Variants in ZFYVE21 observed in about 807,000 individuals in gnomAD.
The protein encoded by ZFYVE21 is zinc finger FYVE-type containing 21.
In ZFYVE21, 21 loss-of-function variants were observed where a neutral mutation model predicts 29.5. The ratio of observed to expected loss-of-function variants is 0.71; its 90% CI spans 0.50 to 1.02. The LOEUF is 1.02. Ranked by LOEUF, ZFYVE21 falls within the 50% of genes least tolerant of loss-of-function variation. The probability of loss-of-function intolerance (pLI) is 0.00; values close to 1 mark genes in which losing one functional copy is unlikely to be tolerated. For synonymous variants in ZFYVE21, 151 were observed against 133.8 expected, an observed-to-expected ratio of 1.13 and a Z score of -0.89; for missense variants, 326 against 335.4, an observed-to-expected ratio of 0.97 and a Z score of 0.22.
At chr14:103,732,500 T>G (rs1189090017) in intron 5 of ZFYVE21, 120 bp from the exon 6 acceptor site, 1 of 1,289,122 alleles carries the variant, frequency 7.8e-7, no homozygotes. Context: ...CAGCCCTCAC[T>G]GCCAGGCTAC....
intron 2 of ZFYVE21, chr14:103,727,109 C>A: frequency 2.4e-6 from 1 of 418,266 alleles, no homozygotes; most frequent in Non-Finnish European, 4.4e-6. Context: ...CCACGCCTGG[C>A]TAATATTTAT....
rs1039664570 is a variant in ZFYVE21, at chr14:103,716,408, C to T, written c.138+429C>T. The stretch of plus-strand genomic sequence containing the variant: ...TTCCTCGCAGGCTCGGTGGGGAGGG[C>T]GCGTGCTGTCCGCGGAAGCGCTGGA... On this transcript the variant is annotated intron_variant, in intron 1 of 6. Coordinates refer to ENST00000311141, the MANE Select transcript of ZFYVE21 (RefSeq NM_024071.4). This position sits in a 1 kb window ranked among gnomAD's most constrained non-coding sequence, Gnocchi z 4.8. Among the ~76,000 whole-genome samples the T allele has an allele frequency of 2.6e-5, 4 of 152,056 alleles. No individual in the cohort carries two copies. Among genetic ancestry groups the T allele is most frequent in the African/African-American group, 9.7e-5 (4 of 41,402 alleles).
intron 2 of ZFYVE21, 106 bp downstream of exon 2, chr14:103,726,948 G>GTTTTTTTTTTTTGTTT: frequency 4.5e-6 from 3 of 660,962 alleles, no homozygotes; most frequent in Admixed American, 4.0e-5. Flanking sequence ...CTTATGGCTC[G>GTTTTTTTTTTTTGTTT]TTTTTTTTTT....
intron 5 of ZFYVE21, 122 bp from the exon 6 acceptor site, chr14:103,732,498 A>G: frequency 8.0e-7 from 1 of 1,256,528 alleles, no homozygotes; most frequent in Non-Finnish European, 1.1e-6. Flanking sequence ...ACCAGCCCTC[A>G]CTGCCAGGCT....
intron 5 of ZFYVE21, chr14:103,729,516 TCC>T: frequency 3.5e-6 from 2 of 575,660 alleles, no homozygotes; most frequent in Middle Eastern, 4.5e-4. Flanking sequence ...ATAACTGAGA[TCC>T]CCAAAAAGGT....
intron 1 of ZFYVE21, chr14:103,725,678 T>C (rs985875225): frequency 6.6e-6 from 1 of 152,266 alleles, no homozygotes; most frequent in African/African-American, 2.4e-5. Flanking sequence ...CCACCACATG[T>C]GTGTCTCTGG....
Position 103,732,604 on chromosome 14 carries a change from C to A in ZFYVE21, c.527-16C>A. On this transcript the variant is annotated splice_polypyrimidine_tract_variant and intron_variant, in intron 5 of 6. Coordinates refer to ENST00000311141, the MANE Select transcript of ZFYVE21 (RefSeq NM_024071.4). Reference sequence around the variant, plus strand: ...GGGCCTCCTTTGGGCCGTCTTACCTCGTCTCTCTCCTCCAGGAGGCAACGC... The same window carrying A: ...GGGCCTCCTTTGGGCCGTCTTACCTAGTCTCTCTCCTCCAGGAGGCAACGC... The A allele has an allele frequency of 3.9e-6, 6 of 1,552,168 alleles. No individual in the cohort carries two copies. The highest frequency in any genetic ancestry group is 5.2e-6 in the Non-Finnish European group (6 of 1,151,830).
chr14:103,723,921 C>T (rs79412319), intron 1 of ZFYVE21, among the ~76,000 whole-genome samples: 3 of 152,344 alleles, frequency 2.0e-5, no homozygotes, highest in East Asian at 1.9e-4. Flanking sequence ...GGCAGGGACA[C>T]GCTGAGGGTG....
At chr14:103,729,525 A>C in intron 5 of ZFYVE21, 1 of 578,986 alleles carries the variant, frequency 1.7e-6, no homozygotes, top group South Asian at 2.2e-5. Flanking sequence ...ATCCCCAAAA[A>C]GGTCTGAATG....
At chr14:103,729,052 C>T in intron 4 of ZFYVE21, 39 bp from the exon 5 acceptor site, 2 of 1,613,832 alleles carry the variant, frequency 1.2e-6, no homozygotes, top group Non-Finnish European at 1.7e-6. Context: ...GGCACTGAGC[C>T]TGAGAATGAC....
Position 103,732,625 on chromosome 14 carries a change from A to G in ZFYVE21, c.532A>G (p.Asn178Asp). The G allele has an allele frequency of 1.3e-6, 2 of 1,572,858 alleles. No individual in the cohort carries two copies. The highest frequency in any genetic ancestry group is 1.7e-6 in the Non-Finnish European group (2 of 1,161,932). The change falls in exon 6 of 7, where the codon AAC becomes GAC. Residue 178 changes from asparagine (N) to aspartate (D), a missense_variant. Coordinates refer to ENST00000311141, the MANE Select transcript of ZFYVE21 (RefSeq NM_024071.4). ...ACCTCGTCTCTCTCCTCCAGGAGGC[A>G]ACGCACGGGCCACAGGCATGTTCCT... Reference protein sequence around the residue: ...LTEGFPPGGGNARATGMFLQY... With the variant: ...LTEGFPPGGGDARATGMFLQY...
At chr14:103,721,841 C>T (rs2083875148) in intron 1 of ZFYVE21, among the ~76,000 whole-genome samples, 2 of 152,350 alleles carry the variant, frequency 1.3e-5, no homozygotes, top group South Asian at 2.1e-4. Flanking sequence ...GTTTCCCCAG[C>T]GAATGTGCTG....
rs528456731 is a variant in ZFYVE21, at chr14:103,728,994, G to A, written c.434+11G>A. 15 of 1,613,908 alleles carry A rather than the reference G, an allele frequency of 9.3e-6. 1 individual carries two copies. The South Asian group carries it at 1.6e-4, about 18-fold the overall frequency. On this transcript the variant is annotated intron_variant, in intron 4 of 6. Transcript: ENST00000311141. ...TTCCAATAACCAGAGGTAAGAGCCG[G>A]ATCCTGCTTGGCACGGGGCAGCATT... is the stretch of plus-strand genomic sequence containing the variant.
rs1174224316 is a variant in ZFYVE21 at position 103,733,062 on chromosome 14, TGA to T, written c.*46_*47del. 7 of 1,613,688 alleles carry T rather than the reference TGA, an allele frequency of 4.3e-6. No individual in the cohort carries two copies. Among genetic ancestry groups the T allele is most frequent in the Non-Finnish European group, 5.9e-6 (7 of 1,179,660 alleles). ...TTGGAGTACGTGTGGTCACCAGGAC[TGA>T]GTCGCTTGGAACAGCAGAGCCTGCT... On this transcript the variant is annotated 3_prime_UTR_variant, in exon 7 of 7. Transcript: ENST00000311141.
rs2084002154 is a variant in ZFYVE21 at position 103,733,102 on chromosome 14, C to T, written c.*84C>T. The T allele has an allele frequency of 6.4e-6, 10 of 1,571,806 alleles. No individual in the cohort carries two copies. The highest frequency in any genetic ancestry group is 1.4e-5 in the African/African-American group (1 of 74,054). On this transcript the variant is annotated 3_prime_UTR_variant, in exon 7 of 7. Transcript: ENST00000311141. ...AGCAGAGCCTGCTCCTTGCGTACCA[C>T]AGGGATTAATCCTGCTTGTGCTGGG...
Position 103,733,111 on chromosome 14 carries a change from A to T in ZFYVE21, c.*93A>T. ...TGCTCCTTGCGTACCACAGGGATTAATCCTGCTTGTGCTGGGAAATGCAAC... is the reference window on the plus strand; with the variant it reads ...TGCTCCTTGCGTACCACAGGGATTATTCCTGCTTGTGCTGGGAAATGCAAC... On this transcript the variant is annotated 3_prime_UTR_variant, in exon 7 of 7. Transcript: ENST00000311141. 1 of 1,544,028 alleles carries T rather than the reference A, an allele frequency of 6.5e-7. No individual in the cohort carries two copies. The highest frequency in any genetic ancestry group is 8.9e-7 in the Non-Finnish European group (1 of 1,120,512).
intron 5 of ZFYVE21, chr14:103,729,690 G>A (rs2083957731): frequency 1.4e-6 from 2 of 1,380,776 alleles, no homozygotes; most frequent in Middle Eastern, 1.8e-4. Flanking sequence ...TGCAAACTGT[G>A]CTGACAGATG....
rs116255502 is a variant in ZFYVE21, at chr14:103,728,964, C to T, written c.415C>T (p.Arg139Cys). 699 of 1,613,960 alleles carry T rather than the reference C, an allele frequency of 4.3e-4. 2 individuals carry two copies. The African/African-American group carries it at 8.4e-3, about 19-fold the overall frequency. Residue 139 changes from arginine to cysteine, a missense_variant, in exon 4 of 7, where the codon CGT (arginine) becomes TGT (cysteine). By Grantham distance (180) the Arg-to-Cys change is radical. Coordinates refer to ENST00000311141, the MANE Select transcript of ZFYVE21 (RefSeq NM_024071.4). ...AGAGAAACCTGAAACTATGACTTGTCGTCTTTCCAATAACCAGAGGTAAGA... is the reference window on the plus strand; with the variant it reads ...AGAGAAACCTGAAACTATGACTTGTTGTCTTTCCAATAACCAGAGGTAAGA... Reference protein sequence around the residue: ...NSEKPETMTCRLSNNQRYLFL... With the variant: ...NSEKPETMTCCLSNNQRYLFL...
At position 103,731,610 on chromosome 14, in the gene ZFYVE21, GA is replaced by G. The variant is rs201954578; in HGVS notation, c.527-1000del. 317 of 150,338 alleles carry G rather than the reference GA, an allele frequency of 2.1e-3. 3 individuals carry two copies. The highest frequency in any genetic ancestry group is 6.8e-3 in the African/African-American group (280 of 41,116). The allele number at this position is 150,338 out of a possible 1,614,324, so 9.3% of individuals were successfully genotyped here. On this transcript the variant is annotated intron_variant, in intron 5 of 6. Coordinates refer to ENST00000311141, the MANE Select transcript of ZFYVE21 (RefSeq NM_024071.4). ...CAACAAGAGCAAAGACTCCGTCTCG[GA>G]AAAAAAAAATGTGGTTCCGGGGCCT...
Sources: gnomAD v4.1 joint callset for allele counts (sites outside exome capture counted in the v4.1 genomes callset) on GRCh38, gnomAD v4.1.1 for gene constraint, Gnocchi (gnomAD v3.1) non-coding constraint, MANE v1.5 for transcripts, NCBI Gene and HGNC (gene_info 2026-07-23, HGNC 2026-07-21) for gene names.